ZBTB33: variants seen among roughly 807,000 people sequenced by gnomAD.
ZBTB33 encodes the protein transcriptional regulator Kaiso.
Under a neutral mutation model 25.9 loss-of-function variants are expected in ZBTB33, and 11 were observed. The observed-to-expected ratio is 0.42, with a 90% CI of 0.27 to 0.70. The LOEUF (loss-of-function observed/expected upper bound fraction) is 0.70, where lower values mean the gene tolerates loss of function less well. ZBTB33 is among the 30% of genes least tolerant of loss of function. ZBTB33 has a pLI of 0.23. For missense variants in ZBTB33, 343 were observed against 501.1 expected (o/e 0.68, Z 3.01); for synonymous variants, 157 against 184.8 (o/e 0.85, Z 1.22).
chrX:120,253,372 C>T (rs1556014629), intron 2 of ZBTB33, 42 bp from the exon 3 acceptor site: 5 of 1,084,034 alleles, frequency 4.6e-6, no homozygotes, highest in Non-Finnish European at 6.1e-6. Context: ...TTTGTTTTTT[C>T]TCTCTAATCC....
Position 120,253,977 on chromosome X carries a change from T to C in ZBTB33, c.562T>C (p.Ser188Pro), listed in dbSNP as rs782014280. 1.9e-6 allele frequency: 2 copies of C among 1,045,074 alleles called. No individual in the cohort carries two copies. The highest frequency in any genetic ancestry group is 1.3e-6 in the Non-Finnish European group (1 of 775,944). The allele number at this position is 1,045,074 out of a possible 1,213,427, so 86.1% of individuals were successfully genotyped here. A position where few individuals can be genotyped will look rare whatever the true frequency, so the allele number is the denominator to read the frequency against. Residue 188 changes from serine (S) to proline (P), a missense_variant, in exon 3 of 3, where the codon TCT becomes CCT. Coordinates refer to ENST00000557385, the MANE Select transcript of ZBTB33 (RefSeq NM_001184742.2). ...AATGAAAAAGATCATTGTTACCGATTCTGATGATGATGATGATGATGTCAT... is the reference window on the plus strand; with the variant it reads ...AATGAAAAAGATCATTGTTACCGATCCTGATGATGATGATGATGATGTCAT... ...YEMKKIIVTD[S>P]DDDDDDVIFC...
rs185764423 is a variant in ZBTB33 at position 120,253,975 on chromosome X, A to G, written c.560A>G (p.Asp187Gly). The part of the protein sequence containing the change: ...DYEMKKIIVT[D>G]SDDDDDDVIF... ...GAAATGAAAAAGATCATTGTTACCG[A>G]TTCTGATGATGATGATGATGATGTC... The change falls in exon 3 of 3, where the codon GAT becomes GGT. Residue 187 changes from aspartate (D) to glycine (G), a missense_variant. Physicochemically the swap from Asp to Gly is moderately conservative, Grantham distance 94 (BLOSUM62 -1). Transcript: ENST00000557385. The G allele has an allele frequency of 3.6e-6, 4 of 1,121,244 alleles. No homozygotes were observed. Among genetic ancestry groups the G allele is most frequent in the Non-Finnish European group, 4.8e-6 (4 of 837,652 alleles). 92.4% of individuals were successfully genotyped at this position (1,121,244 alleles called of 1,213,427 possible).
At chrX:120,251,226 C>T (rs1223895008) in intron 1 of ZBTB33, among the ~76,000 whole-genome samples, 2 of 111,535 alleles carry the variant, frequency 1.8e-5, no homozygotes, top group African/African-American at 6.5e-5. Context: ...GGCCCCGGGG[C>T]TTGGGGAATC....
At position 120,250,935 on chromosome X, in the gene ZBTB33, T is replaced by G. The variant is rs2057594741; in HGVS notation, c.-147T>G. 1 of 112,798 alleles carries G rather than the reference T, an allele frequency of 8.9e-6. No individual in the cohort carries two copies. Among genetic ancestry groups the G allele is most frequent in the Admixed American group, 9.3e-5 (1 of 10,797 alleles). The allele number at this position is 112,798 out of a possible 1,213,427, so 9.3% of individuals were successfully genotyped here. On this transcript the variant is annotated 5_prime_UTR_variant, in exon 1 of 3. Coordinates refer to ENST00000557385, the MANE Select transcript of ZBTB33 (RefSeq NM_001184742.2). ...CTTCTTGTTGGGGGACTCCCAGCCT[T>G]CCGCGCGTCCGGAGGAGGAGAAGCG...
chrX:120,254,561 A>G lies in ZBTB33; in HGVS notation c.1146A>G (p.Gln382=), dbSNP rs782330264. 6.8e-5 allele frequency: 82 copies of G among 1,210,088 alleles called. No individual in the cohort carries two copies. In the South Asian group the frequency reaches 8.6e-4, roughly 13 times the overall value. The change falls in exon 3 of 3, where the codon CAA becomes CAG. Residue 382 remains glutamine, a synonymous_variant. Transcript: ENST00000557385. ...IQKMQIPTLL[Q]EPLSNSLKIS... is the part of the protein sequence containing the mutation. ...AGATGCAGATTCCTACACTTCTTCAAGAACCACTTTCCAATTCCTTAAAAA... is the reference window on the plus strand; with the variant it reads ...AGATGCAGATTCCTACACTTCTTCAGGAACCACTTTCCAATTCCTTAAAAA...
chrX:120,254,174 G>A lies in ZBTB33; in HGVS notation c.759G>A (p.Val253=). The A allele has an allele frequency of 8.3e-7, 1 of 1,211,675 alleles. No homozygotes were observed. Among genetic ancestry groups the A allele is most frequent in the Non-Finnish European group, 1.1e-6 (1 of 895,480 alleles). The change falls in exon 3 of 3, where the codon GTG becomes GTA. Residue 253 remains valine (V), a synonymous_variant. Transcript: ENST00000557385. The part of the protein sequence containing the change: ...ITPTQKLPTP[V]NQATLSQTQG... ...CTACTCAGAAACTTCCTACTCCTGT[G>A]AATCAGGCAACTTTGAGCCAAACAC...
rs1569327064 is a variant in ZBTB33, at chrX:120,250,822, TGGCGGCAGGA to T, written c.-253_-244del. On this transcript the variant is annotated 5_prime_UTR_variant, in exon 1 of 3. Transcript: ENST00000557385. ...CGGCGTGGGGCAGCTGTAGCAGCGT[TGGCGGCAGGA>T]GGCGGCGGCCGCGTCGACGTCGACC... The T allele has an allele frequency of 2.6e-5, 3 of 113,774 alleles. No homozygotes were observed. In the East Asian group the frequency reaches 8.4e-4, roughly 32 times the overall value. 9.4% of individuals were successfully genotyped at this position (113,774 alleles called of 1,213,427 possible).
Position 120,253,526 on chromosome X carries a change from T to C in ZBTB33, c.111T>C (p.Ile37=), listed in dbSNP as rs1484641390. The C allele has an allele frequency of 1.7e-6, 2 of 1,211,932 alleles. No individual in the cohort carries two copies. The highest frequency in any genetic ancestry group is 3.5e-5 in the African/African-American group (2 of 57,790). The change falls in exon 3 of 3, where the codon ATT becomes ATC. Residue 37 remains isoleucine (I), a synonymous_variant. Coordinates refer to ENST00000557385, the MANE Select transcript of ZBTB33 (RefSeq NM_001184742.2). ...GACTCTTCTGTGATGTTACCGTTATTGTGGAAGACCGAAAATTCCGGGCTC... is the reference window on the plus strand; with the variant it reads ...GACTCTTCTGTGATGTTACCGTTATCGTGGAAGACCGAAAATTCCGGGCTC... ...GHGLFCDVTV[I]VEDRKFRAHK... is the part of the protein sequence containing the mutation.
chrX:120,254,023 C>G lies in ZBTB33; in HGVS notation c.608C>G (p.Pro203Arg). Residue 203 changes from proline to arginine, a missense_variant, in exon 3 of 3, where the codon CCC (proline) becomes CGC (arginine). By Grantham distance (103) the Pro-to-Arg change is moderately radical (BLOSUM62 -2). Around this residue, in one of 2 missense-constraint regions of ZBTB33, gnomAD observed 304 missense variants for 410.0 expected, o/e 0.74. Transcript: ENST00000557385. Reference sequence around the variant, plus strand: ...GTCATTTTTTGCTCCGAGATTCTGCCCACAAAGGAGACTTTGCCGAGTAAT... The same window carrying G: ...GTCATTTTTTGCTCCGAGATTCTGCGCACAAAGGAGACTTTGCCGAGTAAT... ...DDVIFCSEILPTKETLPSNNT... is the reference protein window; with the variant it reads ...DDVIFCSEILRTKETLPSNNT... 8.3e-7 allele frequency: 1 copy of G among 1,209,656 alleles called. No individual in the cohort carries two copies. Among genetic ancestry groups the G allele is most frequent in the Non-Finnish European group, 1.1e-6 (1 of 894,087 alleles).
rs782750060 is a variant in ZBTB33, at chrX:120,253,998, G to A, written c.583G>A (p.Val195Ile). ...CGATTCTGATGATGATGATGATGAT[G>A]TCATTTTTTGCTCCGAGATTCTGCC... ...VTDSDDDDDD[V>I]IFCSEILPTK... The change falls in exon 3 of 3, where the codon GTC becomes ATC. Residue 195 changes from valine to isoleucine, a missense_variant. Val to Ile is a conservative substitution (Grantham distance 29). This residue lies in a region of ZBTB33 where 304 missense variants were observed against 410.0 expected (regional missense o/e 0.74). Coordinates refer to ENST00000557385, the MANE Select transcript of ZBTB33 (RefSeq NM_001184742.2). The A allele has an allele frequency of 4.1e-6, 5 of 1,208,866 alleles. No homozygotes were observed. The Admixed American group carries it at 8.7e-5, about 21-fold the overall frequency.
Position 120,253,746 on chromosome X carries a change from A to C in ZBTB33, c.331A>C (p.Lys111Gln). 8.3e-7 allele frequency: 1 copy of C among 1,211,723 alleles called. No homozygotes were observed. Among genetic ancestry groups the C allele is most frequent in the Non-Finnish European group, 1.1e-6 (1 of 895,517 alleles). ...LIKSGQLLGV[K>Q]FIAELGVPLS... Reference sequence around the variant, plus strand: ...TAAATCAGGGCAGTTATTAGGAGTGAAATTTATAGCAGAGCTTGGTGTCCC... The same window carrying C: ...TAAATCAGGGCAGTTATTAGGAGTGCAATTTATAGCAGAGCTTGGTGTCCC... The change falls in exon 3 of 3, where the codon AAA becomes CAA. Residue 111 changes from lysine (K) to glutamine (Q), a missense_variant. Physicochemically the swap from Lys to Gln is moderately conservative, Grantham distance 53. Around this residue, in one of 2 missense-constraint regions of ZBTB33, gnomAD observed 39 missense variants for 91.1 expected, o/e 0.43. Coordinates refer to ENST00000557385, the MANE Select transcript of ZBTB33 (RefSeq NM_001184742.2).
At chrX:120,251,390 T>C (rs937374401) in intron 1 of ZBTB33, among the ~76,000 whole-genome samples, 13 of 109,215 alleles carry the variant, frequency 1.2e-4, no homozygotes, top group African/African-American at 3.3e-4. Context: ...GCCGCCTGCT[T>C]CGCTTCATCC....
Position 120,254,105 on chromosome X carries a change from A to G in ZBTB33, c.690A>G (p.Ala230=), listed in dbSNP as rs2057619315. The change falls in exon 3 of 3, where the codon GCA becomes GCG. Residue 230 remains alanine (A), a synonymous_variant. Coordinates refer to ENST00000557385, the MANE Select transcript of ZBTB33 (RefSeq NM_001184742.2). Reference sequence around the variant, plus strand: ...GCCCTGTTGCTATTTCAGATGTTGCACCTAGTGCTAGCAATAACTCGCCCC... The same window carrying G: ...GCCCTGTTGCTATTTCAGATGTTGCGCCTAGTGCTAGCAATAACTCGCCCC... ...NPGPVAISDV[A]PSASNNSPPL... 1.7e-6 allele frequency: 2 copies of G among 1,209,285 alleles called. No homozygotes were observed. Among genetic ancestry groups the G allele is most frequent in the Non-Finnish European group, 2.2e-6 (2 of 895,109 alleles).
intron 2 of ZBTB33, 60 bp from the exon 3 acceptor site, chrX:120,253,354 T>C: frequency 1.0e-6 from 1 of 1,001,144 alleles, no homozygotes; most frequent in South Asian, 2.5e-5. Context: ...AAATTCTAAA[T>C]AAGTACTTTT....
At chrX:120,252,371 GTT>G (rs782784486) in intron 1 of ZBTB33, among the ~76,000 whole-genome samples, 1 of 110,175 alleles carries the variant, frequency 9.1e-6, no homozygotes, top group Admixed American at 9.6e-5. Context: ...TAATATATGG[GTT>G]TTTTTAAACT....
Position 120,257,314 on chromosome X carries a change from ATTTGT to A in ZBTB33, c.*1885_*1889del, listed in dbSNP as rs1306799058. ...GCACTCTGAAATGTACTCAGTGAAA[ATTTGT>A]TTTGAGTTTCATTAATGCTATTTCA... On this transcript the variant is annotated 3_prime_UTR_variant, in exon 3 of 3. Coordinates refer to ENST00000557385, the MANE Select transcript of ZBTB33 (RefSeq NM_001184742.2). 8.2e-6 allele frequency: 1 copy of A among 122,317 alleles called. No homozygotes were observed. The highest frequency in any genetic ancestry group is 2.8e-4 in the East Asian group (1 of 3,616). The allele number at this position is 122,317 out of a possible 1,213,427, so 10.1% of individuals were successfully genotyped here. A position where few individuals can be genotyped will look rare whatever the true frequency, so the allele number is the denominator to read the frequency against.
chrX:120,255,370 T>G lies in ZBTB33; in HGVS notation c.1955T>G (p.Ile652Ser), dbSNP rs1556015272. ...TTTATTCAGCAGGAAAATGATTCAA[T>G]TTTTAAACAAAATGTAACAGATGGC... ...DIFIQQENDS[I>S]FKQNVTDGST... Residue 652 changes from isoleucine (I) to serine (S), a missense_variant, in exon 3 of 3, where the codon ATT becomes AGT. This residue lies in a region of ZBTB33 where 304 missense variants were observed against 410.0 expected (regional missense o/e 0.74). Transcript: ENST00000557385. 1.7e-6 allele frequency: 2 copies of G among 1,209,939 alleles called. No individual in the cohort carries two copies. The highest frequency in any genetic ancestry group is 3.0e-5 in the East Asian group (1 of 33,826).
chrX:120,257,216 C>G lies in ZBTB33; in HGVS notation c.*1782C>G. 1 of 123,214 alleles carries G rather than the reference C, an allele frequency of 8.1e-6. No homozygotes were observed. The highest frequency in any genetic ancestry group is 1.9e-5 in the Non-Finnish European group (1 of 53,121). 10.2% of individuals were successfully genotyped at this position (123,214 alleles called of 1,213,427 possible). ...TGAAATTACCTGATAACTTAAGACT[C>G]TGTGATCTCTGGAATCACCATATGT... On this transcript the variant is annotated 3_prime_UTR_variant, in exon 3 of 3. Transcript: ENST00000557385.
At position 120,255,125 on chromosome X, in the gene ZBTB33, G is replaced by GT. The variant is rs782181955; in HGVS notation, c.1711dup (p.Ser571PhefsTer4). ...ATCAGTTTATGTCTTCACATATAAA[G>GT]TCAGTTCATAGTCAAGATCCTTCTG... On this transcript the variant is annotated frameshift_variant, in exon 3 of 3. Coordinates refer to ENST00000557385, the MANE Select transcript of ZBTB33 (RefSeq NM_001184742.2). LOFTEE classifies it high-confidence loss of function. 1 of 1,211,979 alleles carries GT rather than the reference G, an allele frequency of 8.3e-7. No individual in the cohort carries two copies. The highest frequency in any genetic ancestry group is 1.1e-6 in the Non-Finnish European group (1 of 895,537).
Sources: gnomAD v4.1 joint callset for allele counts (sites outside exome capture counted in the v4.1 genomes callset) on GRCh38, gnomAD v4.1.1 for gene constraint, gnomAD v4.1.1 regional missense constraint, MANE v1.5 for transcripts, NCBI Gene and HGNC (gene_info 2026-07-23, HGNC 2026-07-21) for gene names.